ATP8A2: variants seen among roughly 807,000 people sequenced by gnomAD.
ATP8A2 encodes the protein phospholipid-transporting ATPase IB.
Under a neutral mutation model 165.6 loss-of-function variants are expected in ATP8A2, and 100 were observed. The ratio of observed to expected loss-of-function variants is 0.60; its 90% CI spans 0.51 to 0.71. The LOEUF (loss-of-function observed/expected upper bound fraction) is 0.71. Among genes scored for constraint, ATP8A2 ranks in the 30% least tolerant of loss-of-function variants. The pLI is 0.00. For missense variants in ATP8A2, 1,227 were observed against 1,479.5 expected, an observed-to-expected ratio of 0.83 and a Z score of 2.80; for synonymous variants, 543 against 548.8, an observed-to-expected ratio of 0.99 and a Z score of 0.15.
intron 36 of ATP8A2, among the ~76,000 whole-genome samples, chr13:26,012,855 G>A (rs1328362382): frequency 6.6e-6 from 1 of 152,158 alleles, no homozygotes; most frequent in African/African-American, 2.4e-5. Flanking sequence ...TAAAATCCTG[G>A]TGTGGTTATG....
chr13:25,590,285 C>T (rs1036972450), intron 24 of ATP8A2, among the ~76,000 whole-genome samples: 8 of 152,100 alleles, frequency 5.3e-5, no homozygotes, highest in South Asian at 2.1e-4. Context: ...ATTGGCCAGC[C>T]GTGGTGGCAT....
chr13:25,437,268 T>C (rs2034807097), intron 1 of ATP8A2, among the ~76,000 whole-genome samples: 1 of 152,208 alleles, frequency 6.6e-6, no homozygotes, highest in Non-Finnish European at 1.5e-5. Context: ...TTATTTGGAA[T>C]ACTTCATCTT....
At chr13:25,441,982 C>G (rs998775216) in intron 1 of ATP8A2, among the ~76,000 whole-genome samples, 1 of 152,210 alleles carries the variant, frequency 6.6e-6, no homozygotes, top group Non-Finnish European at 1.5e-5. Flanking sequence ...ACTCTAAGTA[C>G]CTCTTATAAG....
At chr13:25,584,028 G>A (rs1280851461) in intron 23 of ATP8A2, among the ~76,000 whole-genome samples, 3 of 152,116 alleles carry the variant, frequency 2.0e-5, no homozygotes, top group African/African-American at 7.2e-5. Context: ...TAGTGTATCA[G>A]TCAGATTCAA....
chr13:26,015,363 G>A (rs1956946075), intron 36 of ATP8A2, among the ~76,000 whole-genome samples: 5 of 152,102 alleles, frequency 3.3e-5, no homozygotes, highest in Admixed American at 3.3e-4. Context: ...CAGGAAACTA[G>A]CAGGAAAAAC....
chr13:25,812,252 G>A (rs1278424993), intron 27 of ATP8A2, among the ~76,000 whole-genome samples: 1 of 150,950 alleles, frequency 6.6e-6, no homozygotes, highest in African/African-American at 2.4e-5. Flanking sequence ...TACCATTATA[G>A]TATGTTTGTC....
chr13:25,720,171 T>TTTTTTTTTTTTC (rs1566076183), intron 25 of ATP8A2, among the ~76,000 whole-genome samples: 1 of 141,454 alleles, frequency 7.1e-6, no homozygotes, highest in Non-Finnish European at 1.5e-5. Flanking sequence ...CTTTTTCTTT[T>TTTTTTTTTTTTC]TTTTTTTTTT....
intron 2 of ATP8A2, among the ~76,000 whole-genome samples, chr13:25,512,810 G>T (rs1251069403): frequency 2.8e-5 from 4 of 143,936 alleles, no homozygotes; most frequent in African/African-American, 1.0e-4. Context: ...CCTCCCGTAC[G>T]GGGCGGCTGG....
intron 30 of ATP8A2, among the ~76,000 whole-genome samples, chr13:25,852,209 G>C (rs540842659): frequency 6.6e-6 from 1 of 152,266 alleles, no homozygotes; most frequent in African/African-American, 2.4e-5. Context: ...TTGCCTCCCA[G>C]GGGACATTTG....
intron 11 of ATP8A2, among the ~76,000 whole-genome samples, chr13:25,552,914 G>A (rs1196411235): frequency 6.6e-6 from 1 of 152,002 alleles, no homozygotes; most frequent in Non-Finnish European, 1.5e-5. Context: ...ATTGGAATCA[G>A]ACTACCACCA....
At chr13:25,550,710 C>T (rs1471608915) in intron 10 of ATP8A2, among the ~76,000 whole-genome samples, 1 of 152,192 alleles carries the variant, frequency 6.6e-6, no homozygotes, top group African/African-American at 2.4e-5. Flanking sequence ...TTTCTCCTGT[C>T]CAGGCCCTTC....
At chr13:25,614,093 A>G (rs139879206) in intron 24 of ATP8A2, among the ~76,000 whole-genome samples, 537 of 152,328 alleles carry the variant, frequency 3.5e-3, no homozygotes, top group Non-Finnish European at 6.5e-3. Context: ...AAGCCGGAGA[A>G]GTTTTCCTCA....
At chr13:25,504,497 T>C (rs1287173406) in intron 2 of ATP8A2, among the ~76,000 whole-genome samples, 1 of 147,930 alleles carries the variant, frequency 6.8e-6, no homozygotes, top group Non-Finnish European at 1.5e-5. Flanking sequence ...TCCCAGCACT[T>C]TGGGAGGCCG....
intron 25 of ATP8A2, among the ~76,000 whole-genome samples, chr13:25,759,303 C>T (rs992885615): frequency 2.6e-5 from 4 of 152,134 alleles, no homozygotes; most frequent in Admixed American, 2.6e-4. Context: ...TAATTAAAAC[C>T]ATCCAATATA....
chr13:25,989,464 G>C (rs1267928773), intron 35 of ATP8A2, among the ~76,000 whole-genome samples: 2 of 152,118 alleles, frequency 1.3e-5, no homozygotes, highest in Non-Finnish European at 2.9e-5. Flanking sequence ...ATAATTAGTT[G>C]ATTAAAAAAT....
intron 33 of ATP8A2, among the ~76,000 whole-genome samples, chr13:25,900,308 A>G (rs1953699294): frequency 6.6e-6 from 1 of 152,188 alleles, no homozygotes; most frequent in Non-Finnish European, 1.5e-5. Context: ...TGTTAGCATG[A>G]TCTGAGGTGG....
At chr13:25,938,662 A>G (rs1954983690) in intron 33 of ATP8A2, among the ~76,000 whole-genome samples, 1 of 152,130 alleles carries the variant, frequency 6.6e-6, no homozygotes, top group Admixed American at 6.5e-5. Context: ...CTGCTCATCC[A>G]CCATGGAATA....
intron 25 of ATP8A2, among the ~76,000 whole-genome samples, chr13:25,765,383 T>C (rs940695361): frequency 6.6e-6 from 1 of 152,220 alleles, no homozygotes; most frequent in African/African-American, 2.4e-5. Flanking sequence ...AAGTGTGGCA[T>C]GTGACTCCAG....
rs775953935 is a variant in ATP8A2 at position 25,530,574 on chromosome 13, G to A, written c.334G>A (p.Val112Ile). 1 of 1,575,928 alleles carries A rather than the reference G, an allele frequency of 6.3e-7. No individual in the cohort carries two copies. Among genetic ancestry groups the A allele is most frequent in the Non-Finnish European group, 8.7e-7 (1 of 1,154,800 alleles). ...FIALLQQIPD[V>I]SPTGRYTTLV... ...TCTTATCTTCCAGCAAATTCCAGAT[G>A]TATCTCCAACAGGAAGATATACCAC... The change falls in exon 4 of 37, where the codon GTA becomes ATA. Residue 112 changes from valine to isoleucine, a missense_variant. Physicochemically the swap from Val to Ile is conservative, Grantham distance 29. Transcript: ENST00000381655.
Sources: gnomAD v4.1 joint callset for allele counts (sites outside exome capture counted in the v4.1 genomes callset) on GRCh38, gnomAD v4.1.1 for gene constraint, MANE v1.5 for transcripts, NCBI Gene and HGNC (gene_info 2026-07-23, HGNC 2026-07-21) for gene names.